The following UNC5D variants were observed in gnomAD, a reference collection of about 807,000 sequenced individuals.
UNC5D encodes netrin receptor UNC5D.
In UNC5D, 39 loss-of-function variants were observed where a neutral mutation model predicts 105.4. The ratio of observed to expected loss-of-function variants is 0.37; its 90% CI spans 0.29 to 0.48. The LOEUF is 0.48. UNC5D is among the 20% of genes least tolerant of loss of function. UNC5D has a pLI of 0.98. For synonymous variants in UNC5D, 452 were observed against 450.4 expected (o/e 1.00, Z -0.04); for missense variants, 991 against 1,202.4 (o/e 0.82, Z 2.60).
At chr8:35,601,117 C>T (rs545505145) in intron 4 of UNC5D, among the ~76,000 whole-genome samples, 37 of 151,976 alleles carry the variant, frequency 2.4e-4, no homozygotes, top group South Asian at 4.2e-4. Context: ...TGTAGATATG[C>T]GGCATTATGT....
At chr8:35,448,698 C>T (rs1807954865) in intron 1 of UNC5D, among the ~76,000 whole-genome samples, 1 of 152,046 alleles carries the variant, frequency 6.6e-6, no homozygotes, top group South Asian at 2.1e-4. Context: ...TGCACTTTTA[C>T]TATAACCATC....
intron 1 of UNC5D, among the ~76,000 whole-genome samples, chr8:35,512,322 G>C (rs1812763815): frequency 6.6e-6 from 1 of 150,842 alleles, no homozygotes; most frequent in Admixed American, 6.6e-5. Flanking sequence ...AAGAGTTCAA[G>C]ACAAGCCTGA....
intron 1 of UNC5D, among the ~76,000 whole-genome samples, chr8:35,350,128 T>C (rs28388271): frequency 0.44 from 66,232 of 151,792 alleles, 14,730 homozygotes; most frequent in East Asian, 0.7. Flanking sequence ...CTGGAAACCA[T>C]GTTTTGAGAA....
intron 1 of UNC5D, among the ~76,000 whole-genome samples, chr8:35,280,411 T>C (rs946110803): frequency 6.6e-6 from 1 of 152,186 alleles, no homozygotes; most frequent in Non-Finnish European, 1.5e-5. Context: ...AGTGAGAGAG[T>C]CCATTGTGTC....
At chr8:35,299,492 G>C (rs1051403890) in intron 1 of UNC5D, among the ~76,000 whole-genome samples, 7 of 152,112 alleles carry the variant, frequency 4.6e-5, no homozygotes, top group African/African-American at 7.2e-5. Flanking sequence ...CTTCCCTCTT[G>C]ATGATTTCCA....
rs578173076 is a variant in UNC5D at position 35,519,223 on chromosome 8, G to A, written c.104-30069G>A. Among the ~76,000 whole-genome samples, 10 of 151,872 alleles carry A rather than the reference G, an allele frequency of 6.6e-5. No individual in the cohort carries two copies. In the South Asian group the frequency reaches 1.9e-3, roughly 29 times the overall value. ...TTATCTATATCTTGTTTAGTTTTTA[G>A]GGCTTAAAACTAAAATAATATGATC... On this transcript the variant is annotated intron_variant, in intron 1 of 16. Transcript: ENST00000404895.
chr8:35,595,154 C>T (rs945536475), intron 3 of UNC5D, among the ~76,000 whole-genome samples: 1 of 152,160 alleles, frequency 6.6e-6, no homozygotes, highest in Non-Finnish European at 1.5e-5. Flanking sequence ...ATGCACTCTT[C>T]AGTTAATAGA....
Position 35,675,009 on chromosome 8 carries a change from G to T in UNC5D, c.571-8538G>T, listed in dbSNP as rs568306018. 1.3e-4 allele frequency among the ~76,000 whole-genome samples: 20 copies of T among 152,152 alleles called. No individual in the cohort carries two copies. In the South Asian group the frequency reaches 4.1e-3, roughly 32 times the overall value. ...CCTGTCTCTCTACCCTGTCCCACTA[G>T]ATATGGTTGTCTTCCCAAGACGTTT... is the stretch of plus-strand genomic sequence containing the variant. On this transcript the variant is annotated intron_variant, in intron 4 of 16. Transcript: ENST00000404895.
intron 1 of UNC5D, among the ~76,000 whole-genome samples, chr8:35,301,995 G>A (rs1807995458): frequency 6.6e-6 from 1 of 152,128 alleles, no homozygotes; most frequent in African/African-American, 2.4e-5. Context: ...ACAAACCTGG[G>A]AGATGAATTG....
At chr8:35,424,147 ATTG>A (rs1806094914) in intron 1 of UNC5D, among the ~76,000 whole-genome samples, 1 of 152,116 alleles carries the variant, frequency 6.6e-6, no homozygotes, top group Admixed American at 6.6e-5. Flanking sequence ...CTTCTGCTGA[ATTG>A]TTGTATGGGT....
chr8:35,617,580 A>G (rs185558771), intron 4 of UNC5D, among the ~76,000 whole-genome samples: 344 of 152,304 alleles, frequency 2.3e-3, no homozygotes, highest in African/African-American at 7.9e-3. Flanking sequence ...TAGATTCAGC[A>G]CAGTCAGTAC....
intron 7 of UNC5D, among the ~76,000 whole-genome samples, chr8:35,687,580 G>A (rs1334604076): frequency 6.6e-6 from 1 of 152,012 alleles, no homozygotes; most frequent in Non-Finnish European, 1.5e-5. Flanking sequence ...CTTTATTCCT[G>A]AGATTACATT....
At position 35,683,717 on chromosome 8, in the gene UNC5D, T is replaced by A; in HGVS notation, c.741T>A (p.Val247=). The change falls in exon 5 of 17, where the codon GTT becomes GTA. Residue 247 remains valine (V), a synonymous_variant. Transcript: ENST00000404895. ...AGAGGAGAAGCCTGTCGGCCACTGT[T>A]GTGGTCTACGGTAAGACCATTCCAA... ...VAKRRSLSAT[V]VVYVNGGWSS... 6.5e-7 allele frequency: 1 copy of A among 1,546,740 alleles called. No homozygotes were observed. The highest frequency in any genetic ancestry group is 8.7e-7 in the Non-Finnish European group (1 of 1,155,652).
intron 4 of UNC5D, among the ~76,000 whole-genome samples, chr8:35,669,363 A>C (rs1824626996): frequency 6.6e-6 from 1 of 152,086 alleles, no homozygotes; most frequent in Non-Finnish European, 1.5e-5. Flanking sequence ...CCAAGCCAAT[A>C]GTCAGTACCT....
At chr8:35,532,864 C>T (rs1814497750) in intron 1 of UNC5D, among the ~76,000 whole-genome samples, 1 of 121,856 alleles carries the variant, frequency 8.2e-6, no homozygotes, top group Non-Finnish European at 1.7e-5. Flanking sequence ...CTGCATTCTT[C>T]ACATAGTTCT....
In UNC5D at chr8:35,534,239, C is replaced by T. The variant is rs138397231; in HGVS notation, c.104-15053C>T. ...ATATATCTAGAGTTTTTTTGATGAG[C>T]AACTCGTAATGCTGTTTGTCAGCTT... On this transcript the variant is annotated intron_variant, in intron 1 of 16. Transcript: ENST00000404895. 4.3e-3 allele frequency among the ~76,000 whole-genome samples: 658 copies of T among 152,140 alleles called. 2 individuals are homozygous for T. The highest frequency in any genetic ancestry group is 0.01 in the Middle Eastern group (3 of 294).
At chr8:35,404,881 C>T (rs748668363) in intron 1 of UNC5D, among the ~76,000 whole-genome samples, 18 of 152,168 alleles carry the variant, frequency 1.2e-4, no homozygotes, top group East Asian at 3.9e-4. Flanking sequence ...TGAGCCACCG[C>T]GCCTGGGTCC....
chr8:35,712,962 C>T (rs1196440573), intron 8 of UNC5D, among the ~76,000 whole-genome samples: 1 of 152,084 alleles, frequency 6.6e-6, no homozygotes, highest in Non-Finnish European at 1.5e-5. Flanking sequence ...TAGCACTTTC[C>T]GAAAATTGCC....
intron 1 of UNC5D, among the ~76,000 whole-genome samples, chr8:35,284,348 C>T (rs984357767): frequency 4.6e-5 from 7 of 152,130 alleles, no homozygotes; most frequent in Non-Finnish European, 1.0e-4. Context: ...ATGTTATTTG[C>T]ACAAGAATGA....
Sources: gnomAD v4.1 joint callset for allele counts (sites outside exome capture counted in the v4.1 genomes callset) on GRCh38, gnomAD v4.1.1 for gene constraint, MANE v1.5 for transcripts, NCBI Gene and HGNC (gene_info 2026-07-23, HGNC 2026-07-21) for gene names.